The following NXNL2 variants were observed in gnomAD, a reference collection of about 807,000 sequenced individuals.
The protein encoded by NXNL2 is nucleoredoxin-like protein 2.
Under a neutral mutation model 11.1 loss-of-function variants are expected in NXNL2, and 7 were observed. The ratio of observed to expected loss-of-function variants is 0.63; its 90% CI spans 0.36 to 1.18. NXNL2 has a LOEUF of 1.18. NXNL2 is among the 50% of genes most tolerant of loss of function. The pLI is 0.02. For synonymous variants in NXNL2, 109 were observed against 101.8 expected (o/e 1.07, Z -0.42); for missense variants, 233 against 217.7 (o/e 1.07, Z -0.44).
At chr9:88,558,656 C>T (rs1830048388) in intron 1 of NXNL2, among the ~76,000 whole-genome samples, 1 of 152,006 alleles carries the variant, frequency 6.6e-6, no homozygotes, top group African/African-American at 2.4e-5. Flanking sequence ...TGGGATATGA[C>T]CCTACATATC....
At chr9:88,579,736 G>A (rs1260891341), downstream of NXNL2, among the ~76,000 whole-genome samples, 1 of 152,138 alleles carries the variant, frequency 6.6e-6, no homozygotes, top group African/African-American at 2.4e-5. Flanking sequence ...ATGAAAACCC[G>A]GGGTGAGAGA....
In NXNL2 at chr9:88,536,023, G is replaced by A. The variant is rs41307449; in HGVS notation, c.302+287G>A. Reference sequence around the variant, plus strand: ...TTTCTGCCTGGGGTCTGGAGCTCCGGGAATCTGCATTGCGAAGGAGCTCCC... The same window carrying A: ...TTTCTGCCTGGGGTCTGGAGCTCCGAGAATCTGCATTGCGAAGGAGCTCCC... On this transcript the variant is annotated intron_variant, in intron 1 of 1. Coordinates refer to ENST00000375854, the MANE Select transcript of NXNL2 (RefSeq NM_001161625.2). Among the ~76,000 whole-genome samples the A allele has an allele frequency of 5.1e-3, 775 of 152,280 alleles. 6 individuals are homozygous for A. Among genetic ancestry groups the A allele is most frequent in the Non-Finnish European group, 8.2e-3 (559 of 68,018 alleles).
rs147572964 is a variant in NXNL2 at position 88,573,504 on chromosome 9, C to G, written c.*17-1583C>G. 5.0e-4 allele frequency among the ~76,000 whole-genome samples: 76 copies of G among 152,254 alleles called. 3 individuals carry two copies. In the East Asian group the frequency reaches 8.7e-3, roughly 17 times the overall value. On this transcript the variant is annotated intron_variant, in intron 2 of 2. Coordinates refer to the NXNL2 transcript ENST00000375855. Reference sequence around the variant, plus strand: ...TCTTGGGTGATATTGGAGAAATGCTCTAACAGAGATTGGTGCCCCAAAGAA... The same window carrying G: ...TCTTGGGTGATATTGGAGAAATGCTGTAACAGAGATTGGTGCCCCAAAGAA...
At chr9:88,579,585 C>T (rs566860678), downstream of NXNL2, among the ~76,000 whole-genome samples, 17 of 152,318 alleles carry the variant, frequency 1.1e-4, no homozygotes, top group Non-Finnish European at 1.6e-4. Context: ...CACATGCCCT[C>T]TGTGGAGTGT....
chr9:88,580,511 C>T (rs1277096671), downstream of NXNL2, among the ~76,000 whole-genome samples: 4 of 152,256 alleles, frequency 2.6e-5, no homozygotes. Flanking sequence ...GGGAGCTTCT[C>T]TCTTTTTTTT....
chr9:88,544,523 T>TATCTTCCAGA lies in NXNL2; in HGVS notation c.450_459dup (p.Phe154LeufsTer68). On this transcript the variant is annotated frameshift_variant, in exon 2 of 2. Coordinates refer to ENST00000375854, the MANE Select transcript of NXNL2 (RefSeq NM_001161625.2). LOFTEE classifies it high-confidence loss of function. Reference sequence around the variant, plus strand: ...TCCAGGACTGGGTGGAGGCGGCCGATATCTTCCAGAATTTCTCCGTTTGAA... The same window carrying TATCTTCCAGA: ...TCCAGGACTGGGTGGAGGCGGCCGATATCTTCCAGAATCTTCCAGAATTTCTCCGTTTGAA... 1.3e-6 allele frequency: 2 copies of TATCTTCCAGA among 1,543,810 alleles called. No homozygotes were observed. Among genetic ancestry groups the TATCTTCCAGA allele is most frequent in the South Asian group, 2.4e-5 (2 of 82,508 alleles).
In NXNL2 at chr9:88,544,487, G is replaced by A. The variant is rs200418094; in HGVS notation, c.411G>A (p.Gly137=). 8.5e-4 allele frequency: 1,315 copies of A among 1,551,526 alleles called. 1 individual carries two copies. Among genetic ancestry groups the A allele is most frequent in the Non-Finnish European group, 1.1e-3 (1,234 of 1,146,898 alleles). ...GGCGGAAGCAGATCCGGGAACGGGGGTTGGCCTGCTTCCAGGACTGGGTGG... is the reference window on the plus strand; with the variant it reads ...GGCGGAAGCAGATCCGGGAACGGGGATTGGCCTGCTTCCAGGACTGGGTGG... ...NKGRKQIRER[G]LACFQDWVEA... is the part of the protein sequence containing the mutation. Residue 137 remains glycine (G), a synonymous_variant, in exon 2 of 2, where the codon GGG becomes GGA. Transcript: ENST00000375854.
rs181192903 is a variant in NXNL2 at position 88,582,116 on chromosome 9, C to G, written n.552-1883C>G. Among the ~76,000 whole-genome samples the G allele has an allele frequency of 3.2e-3, 492 of 152,300 alleles. 3 individuals carry two copies. Among genetic ancestry groups the G allele is most frequent in the South Asian group, 6.2e-3 (30 of 4,826 alleles). On this transcript the variant is annotated intron_variant and non_coding_transcript_variant, in intron 1 of 1. Coordinates refer to the NXNL2 transcript ENST00000478686. ...ATTTGAGTTGCAGGAGGTTTTGCTA[C>G]TCTCTAGTCCTATATTTGTACAAAG...
chr9:88,574,578 G>T (rs1038601131), intron 2 of NXNL2, among the ~76,000 whole-genome samples: 1 of 152,248 alleles, frequency 6.6e-6, no homozygotes, highest in Non-Finnish European at 1.5e-5. Context: ...GAAGCAATTA[G>T]ATATGCATTT....
intron 1 of NXNL2, among the ~76,000 whole-genome samples, chr9:88,554,531 C>T (rs1336288807): frequency 6.6e-6 from 1 of 152,140 alleles, no homozygotes. Context: ...ACCTCAATGA[C>T]CACTTCCTGG....
intron 1 of NXNL2, among the ~76,000 whole-genome samples, chr9:88,552,533 C>T (rs1476741013): frequency 1.4e-5 from 2 of 146,218 alleles, no homozygotes; most frequent in South Asian, 2.2e-4. Flanking sequence ...AGTGCAATGG[C>T]GATCTCCACT....
chr9:88,547,825 T>C (rs1564069368), downstream of NXNL2, among the ~76,000 whole-genome samples: 1 of 151,732 alleles, frequency 6.6e-6, no homozygotes, highest in Non-Finnish European at 1.5e-5. Flanking sequence ...AAGACCAGCC[T>C]GGCCAATGTG....
At chr9:88,561,298 T>TC (rs1830082265) in intron 1 of NXNL2, among the ~76,000 whole-genome samples, 2 of 152,218 alleles carry the variant, frequency 1.3e-5, no homozygotes, top group Non-Finnish European at 2.9e-5. Context: ...GTTCTTCAGT[T>TC]TAGGGACCCG....
downstream of NXNL2, among the ~76,000 whole-genome samples, chr9:88,577,972 T>C (rs1830366298): frequency 6.6e-6 from 1 of 152,244 alleles, no homozygotes; most frequent in Non-Finnish European, 1.5e-5. Context: ...TGCCGTTATA[T>C]TCAGTCCTCA....
chr9:88,537,386 T>C (rs138873417), intron 1 of NXNL2, among the ~76,000 whole-genome samples: 19 of 152,352 alleles, frequency 1.2e-4, no homozygotes, highest in African/African-American at 4.6e-4. Flanking sequence ...CGTCTGTTTC[T>C]GATGCTCTGG....
intron 1 of NXNL2, among the ~76,000 whole-genome samples, chr9:88,543,601 T>A (rs1281144002): frequency 1.3e-5 from 2 of 152,192 alleles, no homozygotes; most frequent in African/African-American, 4.8e-5. Flanking sequence ...GTACCTGATA[T>A]TTTTCAACCC....
chr9:88,549,697 G>A (rs1829900683), downstream of NXNL2, among the ~76,000 whole-genome samples: 1 of 152,186 alleles, frequency 6.6e-6, no homozygotes, highest in African/African-American at 2.4e-5. Context: ...AGGCTTTACA[G>A]GAAGCATGAT....
intron 1 of NXNL2, among the ~76,000 whole-genome samples, chr9:88,557,080 C>CAAAAAAAAAAAAAAAAAA (rs150400954): frequency 1.8e-5 from 1 of 55,610 alleles, no homozygotes; most frequent in Non-Finnish European, 4.5e-5. Flanking sequence ...GACTCCATCT[C>CAAAAAAAAAAAAAAAAAA]AAAAAAAAAA....
intron 1 of NXNL2, among the ~76,000 whole-genome samples, chr9:88,565,023 TCCTCCCCCAG>T (rs1830148306): frequency 6.6e-6 from 1 of 152,128 alleles, no homozygotes; most frequent in Non-Finnish European, 1.5e-5. Context: ...TCCCATTTTC[TCCTCCCCCAG>T]CCTCTGGCAA....
Sources: allele counts gnomAD v4.1 joint callset (sites outside exome capture counted in the v4.1 genomes callset), GRCh38; gene constraint gnomAD v4.1.1; transcripts MANE v1.5; gene names NCBI Gene and HGNC (gene_info 2026-07-23, HGNC 2026-07-21).